Variants in DLEU7 observed in about 807,000 individuals in gnomAD.
DLEU7 encodes leukemia-associated protein 7.
A neutral mutation model predicts 16.0 loss-of-function variants in DLEU7; 17 were observed. The observed-to-expected ratio is 1.06, with a 90% CI of 0.73 to 1.59. The LOEUF is 1.59. Ranked by LOEUF, DLEU7 falls within the 40% of genes most tolerant of loss-of-function variation. The pLI, the probability that DLEU7 is intolerant of heterozygous loss-of-function variation, is 0.00. For synonymous variants in DLEU7, 113 were observed against 139.8 expected (o/e 0.81, Z 1.35); for missense variants, 308 against 314.9 (o/e 0.98, Z 0.17).
Position 50,814,761 on chromosome 13 carries a change from A to AGTGTGTGTGTGTGTGTGT in DLEU7, c.459+28409_459+28426dup, listed in dbSNP as rs10670911. On this transcript the variant is annotated intron_variant, in intron 1 of 1. Transcript: ENST00000400393. ...ATCAGTTTTTACATGTATTCATGTGAGTGTGTGTGTGTGTGTGTGTGTGTG... is the reference window on the plus strand; with the variant it reads ...ATCAGTTTTTACATGTATTCATGTGAGTGTGTGTGTGTGTGTGTGTGTGTGTGTGTGTGTGTGTGTGTG... Among the ~76,000 whole-genome samples the AGTGTGTGTGTGTGTGTGT allele has an allele frequency of 9.2e-3, 1,278 of 138,648 alleles. 13 individuals carry two copies. The highest frequency in any genetic ancestry group is 0.016 in the Non-Finnish European group (1,027 of 63,918). 91.0% of individuals were successfully genotyped at this position (138,648 alleles called of 152,430 possible).
intron 1 of DLEU7, among the ~76,000 whole-genome samples, chr13:50,742,166 A>G (rs898187906): frequency 7.2e-5 from 11 of 152,196 alleles, no homozygotes; most frequent in Non-Finnish European, 1.5e-5. Context: ...GTTTAGGTAC[A>G]AGAGATTTTT....
rs1250831366 is a variant in DLEU7, at chr13:50,726,605, T to G, written c.460-13365A>C. Among the ~76,000 whole-genome samples the G allele has an allele frequency of 6.6e-6, 1 of 152,234 alleles. No individual in the cohort carries two copies. The highest frequency in any genetic ancestry group is 1.5e-5 in the Non-Finnish European group (1 of 68,044). ...AGACACTTTCTGAAAGGTTTTCCCA[T>G]CTGCAGTGAAATTTGTGGATCGCAT... On this transcript the variant is annotated intron_variant, in intron 1 of 1. Transcript: ENST00000400393. This position sits in a 1 kb window ranked among gnomAD's most constrained non-coding sequence, Gnocchi z 4.0.
intron 1 of DLEU7, among the ~76,000 whole-genome samples, chr13:50,812,573 T>C (rs191286942): frequency 3.3e-4 from 50 of 152,270 alleles, no homozygotes; most frequent in South Asian, 8.3e-4. Flanking sequence ...CCTGTCTCCA[T>C]GCATCTGAGG....
chr13:50,722,441 A>C (rs1420740627), intron 1 of DLEU7, among the ~76,000 whole-genome samples: 17 of 152,158 alleles, frequency 1.1e-4, no homozygotes, highest in Admixed American at 1.1e-3. Context: ...ATTCTTCCAT[A>C]ATATATTTTT....
chr13:50,734,377 T>A (rs559471207), intron 1 of DLEU7, among the ~76,000 whole-genome samples: 1 of 152,316 alleles, frequency 6.6e-6, no homozygotes, highest in Admixed American at 6.5e-5. Flanking sequence ...CTTATCGTCC[T>A]CTGAGTAACC....
intron 1 of DLEU7, among the ~76,000 whole-genome samples, chr13:50,734,933 A>G (rs1404114439): frequency 6.6e-6 from 1 of 152,212 alleles, no homozygotes. Context: ...AGAGACAGGT[A>G]GATTAACAGT....
chr13:50,768,909 G>A (rs1373391735), intron 1 of DLEU7, among the ~76,000 whole-genome samples: 1 of 152,124 alleles, frequency 6.6e-6, no homozygotes, highest in Non-Finnish European at 1.5e-5. Flanking sequence ...CAACAGTGTA[G>A]AAGCGTTCCT....
In DLEU7 at chr13:50,774,388, T is replaced by A. The variant is rs1402632009; in HGVS notation, c.460-61148A>T. Among the ~76,000 whole-genome samples the A allele has an allele frequency of 2.0e-5, 3 of 152,320 alleles. No homozygotes were observed. In the East Asian group the frequency reaches 5.8e-4, roughly 29 times the overall value. On this transcript the variant is annotated intron_variant, in intron 1 of 1. Transcript: ENST00000400393. ...GCTACAGACCGGAGCTGTTCTTACT[T>A]GGCCATCTTGGAATGGATCCTCCAT... is the stretch of plus-strand genomic sequence containing the variant.
Position 50,823,022 on chromosome 13 carries a change from A to T in DLEU7, c.*292T>A, listed in dbSNP as rs1215614833. The T allele has an allele frequency of 1.0e-6, 1 of 978,922 alleles. No individual in the cohort carries two copies. Among genetic ancestry groups the T allele is most frequent in the African/African-American group, 1.7e-5 (1 of 58,578 alleles). 60.6% of individuals were successfully genotyped at this position (978,922 alleles called of 1,614,324 possible). ...CAATAAAAACTAATAATATGAATAAATATATACATACATAATCAAATCAGC... is the reference window on the plus strand; with the variant it reads ...CAATAAAAACTAATAATATGAATAATTATATACATACATAATCAAATCAGC... On this transcript the variant is annotated 3_prime_UTR_variant, in exon 2 of 2. Transcript: ENST00000504404.
chr13:50,713,381 T>G, intron 1 of DLEU7: 2 of 1,057,408 alleles, frequency 1.9e-6, no homozygotes, highest in Non-Finnish European at 2.8e-6. Context: ...ACACATTTCT[T>G]GGCTACCCAT....
At chr13:50,817,684 G>A (rs1356654522) in intron 1 of DLEU7, among the ~76,000 whole-genome samples, 3 of 152,090 alleles carry the variant, frequency 2.0e-5, no homozygotes, top group Non-Finnish European at 2.9e-5. Flanking sequence ...TGGAAGATTT[G>A]GTTCTTGCAG....
intron 1 of DLEU7, among the ~76,000 whole-genome samples, chr13:50,789,919 CTCTT>C (rs67993003): frequency 0.37 from 53,776 of 143,614 alleles, 9,958 homozygotes; most frequent in Middle Eastern, 0.51. Flanking sequence ...CACCTTTTTT[CTCTT>C]TCTTTCTTTC....
chr13:50,751,855 C>T (rs78111102), intron 1 of DLEU7, among the ~76,000 whole-genome samples: 1 of 152,030 alleles, frequency 6.6e-6, no homozygotes, highest in Non-Finnish European at 1.5e-5. Context: ...AATGGTCTAT[C>T]AATTTTATTT....
At position 50,817,800 on chromosome 13, in the gene DLEU7, C is replaced by T. The variant is rs370329495; in HGVS notation, c.459+25388G>A. 7.9e-5 allele frequency among the ~76,000 whole-genome samples: 12 copies of T among 152,094 alleles called. No individual in the cohort carries two copies. The East Asian group carries it at 1.8e-3, about 22-fold the overall frequency. ...AGCCAAAGAAACCTGAAGATAGTTC[C>T]TCAATCAGTGTAAGGCAGGCAGTCA... On this transcript the variant is annotated intron_variant, in intron 1 of 1. Transcript: ENST00000400393.
At chr13:50,764,371 T>C (rs1294592668) in intron 1 of DLEU7, among the ~76,000 whole-genome samples, 1 of 152,228 alleles carries the variant, frequency 6.6e-6, no homozygotes, top group Non-Finnish European at 1.5e-5. Flanking sequence ...CACCAGAAGC[T>C]CATCTTTTCT....
intron 1 of DLEU7, among the ~76,000 whole-genome samples, chr13:50,837,660 T>G (rs758722088): frequency 1.3e-5 from 2 of 152,224 alleles, no homozygotes; most frequent in Non-Finnish European, 2.9e-5. Context: ...TAGTAATCTT[T>G]GAAGACACAA....
At chr13:50,796,615 G>C (rs539022948) in intron 1 of DLEU7, among the ~76,000 whole-genome samples, 1 of 152,298 alleles carries the variant, frequency 6.6e-6, no homozygotes, top group African/African-American at 2.4e-5. Context: ...AGTGGGAACT[G>C]CTATAGTCCA....
chr13:50,713,653 C>G (rs976592918), intron 1 of DLEU7, among the ~76,000 whole-genome samples: 1 of 152,170 alleles, frequency 6.6e-6, no homozygotes. Flanking sequence ...TCTTACAATT[C>G]CTAAACAGCA....
intron 1 of DLEU7, among the ~76,000 whole-genome samples, chr13:50,733,634 G>C (rs1274335039): frequency 6.6e-6 from 1 of 152,112 alleles, no homozygotes; most frequent in East Asian, 1.9e-4. Context: ...CACATTTCCT[G>C]TCTCATATCT....
Sources: gnomAD v4.1 joint callset for allele counts (sites outside exome capture counted in the v4.1 genomes callset) on GRCh38, gnomAD v4.1.1 for gene constraint, Gnocchi (gnomAD v3.1) non-coding constraint, MANE v1.5 for transcripts, NCBI Gene and HGNC (gene_info 2026-07-23, HGNC 2026-07-21) for gene names.